Variants in DNMBP observed in about 807,000 individuals in gnomAD.
DNMBP encodes the protein dynamin-binding protein.
In DNMBP, 87 loss-of-function variants were observed where a neutral mutation model predicts 150.0. That is an observed-to-expected ratio of 0.58 (90% CI 0.49 to 0.69). DNMBP has a LOEUF of 0.69. Ranked by LOEUF, DNMBP falls within the 30% of genes least tolerant of loss-of-function variation. The pLI is 0.00. For synonymous variants in DNMBP, 711 were observed against 750.4 expected, an observed-to-expected ratio of 0.95 and a Z score of 0.86; for missense variants, 1,774 against 1,949.0, an observed-to-expected ratio of 0.91 and a Z score of 1.69.
At chr10:99,887,146 T>A (rs189883003) in intron 12 of DNMBP, among the ~76,000 whole-genome samples, 11 of 150,710 alleles carry the variant, frequency 7.3e-5, no homozygotes, top group Middle Eastern at 3.4e-3. Context: ...TGGAGTGCAG[T>A]GGCGCAATCT....
chr10:99,944,363 T>C (rs1207776312), intron 4 of DNMBP, among the ~76,000 whole-genome samples: 1 of 152,180 alleles, frequency 6.6e-6, no homozygotes, highest in East Asian at 1.9e-4. Flanking sequence ...AATTCAGGTG[T>C]GTGAACCTCA....
At chr10:99,937,441 T>C (rs1306813222) in intron 4 of DNMBP, among the ~76,000 whole-genome samples, 1 of 152,130 alleles carries the variant, frequency 6.6e-6, no homozygotes, top group African/African-American at 2.4e-5. Context: ...AATCTGCGAG[T>C]GTGAATAACC....
At chr10:99,895,079 C>T in intron 10 of DNMBP, 29 bp from the exon 11 acceptor site, 1 of 1,284,622 alleles carries the variant, frequency 7.8e-7, no homozygotes, top group African/African-American at 1.5e-5. Context: ...GTGCTGTTAG[C>T]AAATCTGGAC....
rs775317323 is a variant in DNMBP, at chr10:99,909,049, G to A, written c.2358C>T (p.Ala786=). The A allele has an allele frequency of 1.9e-6, 3 of 1,614,108 alleles. No homozygotes were observed. Among genetic ancestry groups the A allele is most frequent in the Non-Finnish European group, 2.5e-6 (3 of 1,180,002 alleles). ...TCTGAAGAAGTTCTTCTATGACCTTGGCTCTCTTCTCCAGCATCCTCTGCT... is the reference window on the plus strand; with the variant it reads ...TCTGAAGAAGTTCTTCTATGACCTTAGCTCTCTTCTCCAGCATCCTCTGCT... ...NPEQRMLEKR[A]KVIEELLQTE... The change falls in exon 5 of 17, where the codon GCC becomes GCT. Residue 786 remains alanine, a synonymous_variant. Coordinates refer to ENST00000324109, the MANE Select transcript of DNMBP (RefSeq NM_015221.4).
At chr10:99,912,506 G>T (rs571344459) in intron 4 of DNMBP, among the ~76,000 whole-genome samples, 10 of 151,980 alleles carry the variant, frequency 6.6e-5, no homozygotes, top group Non-Finnish European at 1.2e-4. Flanking sequence ...CCGAAAATGG[G>T]GTTTATAAAC....
chr10:99,998,015 C>CA (rs1413922523), intron 1 of DNMBP, among the ~76,000 whole-genome samples: 1 of 146,436 alleles, frequency 6.8e-6, no homozygotes, highest in Non-Finnish European at 1.5e-5. Flanking sequence ...GTGGGCAGAT[C>CA]ACAAGGTCAG....
intron 4 of DNMBP, among the ~76,000 whole-genome samples, chr10:99,946,205 G>A (rs528760904): frequency 9.5e-4 from 144 of 152,274 alleles, no homozygotes; most frequent in African/African-American, 3.2e-3. Flanking sequence ...TCATCCATCC[G>A]CCTCGGCCTC....
intron 6 of DNMBP, among the ~76,000 whole-genome samples, chr10:99,902,380 A>G (rs2133233785): frequency 7.7e-6 from 1 of 129,980 alleles, no homozygotes; most frequent in South Asian, 2.5e-4. Context: ...CATGATCTCA[A>G]CTCACTGCAA....
intron 6 of DNMBP, among the ~76,000 whole-genome samples, chr10:99,902,997 T>C (rs1333910801): frequency 6.6e-6 from 1 of 151,772 alleles, no homozygotes; most frequent in Non-Finnish European, 1.5e-5. Flanking sequence ...TGCAGTGTTG[T>C]GACCATTGCC....
chr10:99,900,990 C>A (rs984162562), intron 6 of DNMBP, among the ~76,000 whole-genome samples: 1 of 152,146 alleles, frequency 6.6e-6, no homozygotes, highest in Admixed American at 6.5e-5. Flanking sequence ...GGCTCCACTG[C>A]AGTGGTACGA....
intron 4 of DNMBP, chr10:99,929,959 C>G: frequency 1.4e-6 from 1 of 702,814 alleles, no homozygotes; most frequent in Non-Finnish European, 2.6e-6. Flanking sequence ...AATAAAGCAT[C>G]ATAGCCTTTA....
In DNMBP at chr10:99,880,120, A is replaced by G. The variant is rs11190305; in HGVS notation, c.4239T>C (p.Cys1413=). 1.2e-6 allele frequency: 2 copies of G among 1,613,984 alleles called. No homozygotes were observed. Among genetic ancestry groups the G allele is most frequent in the East Asian group, 2.2e-5 (1 of 44,864 alleles). Residue 1413 remains cysteine, a synonymous_variant, in exon 16 of 17, where the codon TGT becomes TGC. Transcript: ENST00000324109. ...GGGATGCACTGAGAGTTCCTTGGTCACATTCTTTTGGCGGAGGAGATGCAT... is the reference window on the plus strand; with the variant it reads ...GGGATGCACTGAGAGTTCCTTGGTCGCATTCTTTTGGCGGAGGAGATGCAT... ...PQDASPPPKE[C]DQGTLSASLN... is the part of the protein sequence containing the mutation.
intron 4 of DNMBP, among the ~76,000 whole-genome samples, chr10:99,922,757 T>C (rs949249565): frequency 2.6e-5 from 4 of 152,042 alleles, no homozygotes; most frequent in African/African-American, 4.8e-5. Flanking sequence ...GTTGGCCAAA[T>C]TGGAGCATTC....
chr10:99,875,705 A>C lies in DNMBP; in HGVS notation c.*1446T>G, dbSNP rs1830710075. 1 of 152,198 alleles carries C rather than the reference A, an allele frequency of 6.6e-6. No homozygotes were observed. The allele number at this position is 152,198 out of a possible 1,614,324, so 9.4% of individuals were successfully genotyped here. ...ACGACCAGCAGACACTGTGGATGTTAGGACTCCACGGTGTCTCCCGACTCC... is the reference window on the plus strand; with the variant it reads ...ACGACCAGCAGACACTGTGGATGTTCGGACTCCACGGTGTCTCCCGACTCC... On this transcript the variant is annotated 3_prime_UTR_variant, in exon 17 of 17. Transcript: ENST00000324109.
intron 1 of DNMBP, among the ~76,000 whole-genome samples, chr10:99,991,473 A>G (rs1238668588): frequency 6.6e-6 from 1 of 151,970 alleles, no homozygotes; most frequent in African/African-American, 2.4e-5. Flanking sequence ...CTTTCTCTAT[A>G]TATAGATTTG....
intron 4 of DNMBP, among the ~76,000 whole-genome samples, chr10:99,953,062 TC>T (rs2040442098): frequency 6.6e-6 from 1 of 152,206 alleles, no homozygotes; most frequent in African/African-American, 2.4e-5. Context: ...CCTCTTGTAC[TC>T]TTCCTATTTA....
Position 99,899,925 on chromosome 10 carries a change from T to TCTG in DNMBP, c.2693_2695dup (p.Ala898dup). 6.2e-7 allele frequency: 1 copy of TCTG among 1,614,162 alleles called. No homozygotes were observed. On this transcript the variant is annotated inframe_insertion, in exon 7 of 17. Transcript: ENST00000324109. ...AAGTGGTCAAAACTCCTACTTCAGATCTGCCAAGGAGTCCTGAAGATGCTT... is the reference window on the plus strand; with the variant it reads ...AAGTGGTCAAAACTCCTACTTCAGATCTGCTGCCAAGGAGTCCTGAAGATGCTT...
In DNMBP at chr10:99,956,247, G is replaced by A. The variant is rs750691591; in HGVS notation, c.1227C>T (p.Val409=). ...CCTGAGGTTGGGAGGAAATACCATT[G>A]ACTACTTCTGTAGGGTCAGATGTGG... The part of the protein sequence containing the change: ...DSPTSDPTEV[V]NGISSQPQVP... The change falls in exon 4 of 17, where the codon GTC becomes GTT. Residue 409 remains valine, a synonymous_variant. Transcript: ENST00000324109. 1.8e-5 allele frequency: 29 copies of A among 1,613,810 alleles called. No individual in the cohort carries two copies. Among genetic ancestry groups the A allele is most frequent in the Non-Finnish European group, 2.1e-5 (25 of 1,179,996 alleles).
At chr10:99,914,614 G>C (rs2039940836) in intron 4 of DNMBP, among the ~76,000 whole-genome samples, 1 of 152,172 alleles carries the variant, frequency 6.6e-6, no homozygotes, top group Non-Finnish European at 1.5e-5. Flanking sequence ...GTGATTCACA[G>C]GAACTGGGAG....
Sources: allele counts gnomAD v4.1 joint callset (sites outside exome capture counted in the v4.1 genomes callset), GRCh38; gene constraint gnomAD v4.1.1; transcripts MANE v1.5; gene names NCBI Gene and HGNC (gene_info 2026-07-23, HGNC 2026-07-21).